Variants in COL14A1 observed in about 807,000 individuals in gnomAD.
COL14A1 encodes collagen type XIV alpha 1 chain, also known as collagen alpha-1(XIV) chain.
Under a neutral mutation model 230.3 loss-of-function variants are expected in COL14A1, and 136 were observed. The ratio of observed to expected loss-of-function variants is 0.59; its 90% CI spans 0.51 to 0.68. The LOEUF is 0.68. Among genes scored for constraint, COL14A1 ranks in the 30% least tolerant of loss-of-function variants. COL14A1 has a pLI of 0.00. For synonymous variants in COL14A1, 792 were observed against 784.1 expected (o/e 1.01, Z -0.17); for missense variants, 1,976 against 2,215.8 (o/e 0.89, Z 2.17).
chr8:120,327,753 T>C (rs1259072928), intron 40 of COL14A1, among the ~76,000 whole-genome samples: 1 of 149,790 alleles, frequency 6.7e-6, no homozygotes, highest in African/African-American at 2.5e-5. Flanking sequence ...TCAAATTAAG[T>C]ATTTATTAGT....
intron 26 of COL14A1, among the ~76,000 whole-genome samples, chr8:120,271,383 A>T (rs1396744991): frequency 1.4e-5 from 2 of 141,338 alleles, no homozygotes; most frequent in African/African-American, 2.8e-5. Flanking sequence ...AAGAAAAGTT[A>T]AAAAAAAAAA....
intron 34 of COL14A1, 90 bp downstream of exon 34, chr8:120,289,856 A>G: frequency 7.4e-7 from 1 of 1,349,560 alleles, no homozygotes; most frequent in Non-Finnish European, 1.0e-6. Context: ...GAAAGGTTTA[A>G]CAAAAAGATG....
chr8:120,285,399 G>T (rs1484000060), intron 32 of COL14A1, among the ~76,000 whole-genome samples: 2 of 142,352 alleles, frequency 1.4e-5, no homozygotes, highest in African/African-American at 5.3e-5. Context: ...AGGAGGTGGA[G>T]CTTGCAGTGA....
chr8:120,291,120 C>T (rs1042087938), intron 34 of COL14A1, among the ~76,000 whole-genome samples: 1 of 152,092 alleles, frequency 6.6e-6, no homozygotes, highest in African/African-American at 2.4e-5. Flanking sequence ...AAAAAGCACA[C>T]CATCTTCTGC....
At chr8:120,223,023 C>T (rs967224094) in intron 14 of COL14A1, among the ~76,000 whole-genome samples, 3 of 152,090 alleles carry the variant, frequency 2.0e-5, no homozygotes, top group Non-Finnish European at 4.4e-5. Context: ...GGCCTAATTT[C>T]GACAAGAGCT....
chr8:120,206,494 C>G (rs765850652), intron 9 of COL14A1, among the ~76,000 whole-genome samples: 1 of 152,142 alleles, frequency 6.6e-6, no homozygotes, highest in African/African-American at 2.4e-5. Context: ...GGATTACAGG[C>G]ACCTGCTACC....
At chr8:120,199,747 G>A (rs1817165989) in intron 8 of COL14A1, among the ~76,000 whole-genome samples, 181 bp downstream of exon 8, 1 of 152,106 alleles carries the variant, frequency 6.6e-6, no homozygotes. Flanking sequence ...AAATGGGAGT[G>A]ATGCTAGCTG....
At chr8:120,144,669 T>C (rs375637016) in intron 1 of COL14A1, among the ~76,000 whole-genome samples, 35 of 152,164 alleles carry the variant, frequency 2.3e-4, no homozygotes, top group African/African-American at 8.4e-4. Context: ...AACACGTCGA[T>C]TGCAAACAAT....
At chr8:120,332,218 G>A (rs1821893832) in intron 41 of COL14A1, 24 bp downstream of exon 41, 2 of 1,605,966 alleles carry the variant, frequency 1.2e-6, no homozygotes, top group Non-Finnish European at 1.7e-6. Flanking sequence ...GAAACTACTG[G>A]GACATACTCT....
At chr8:120,168,803 A>G (rs901710318) in intron 5 of COL14A1, among the ~76,000 whole-genome samples, 9 of 152,098 alleles carry the variant, frequency 5.9e-5, no homozygotes, top group African/African-American at 2.2e-4. Flanking sequence ...ATTCTTTTTA[A>G]TAGCCAGATA....
chr8:120,327,688 G>A (rs1396038396), intron 40 of COL14A1, among the ~76,000 whole-genome samples: 1 of 152,004 alleles, frequency 6.6e-6, no homozygotes, highest in Non-Finnish European at 1.5e-5. Context: ...CATTCTACCT[G>A]TGATTCACGC....
chr8:120,283,847 CCT>C (rs1423064306), intron 32 of COL14A1, 69 bp downstream of exon 32: 2 of 1,382,116 alleles, frequency 1.4e-6, no homozygotes, highest in African/African-American at 1.4e-5. Context: ...TGCCATTTTG[CCT>C]GTTTGTGTAT....
At position 120,231,583 on chromosome 8, in the gene COL14A1, G is replaced by C. The variant is rs1818269023; in HGVS notation, c.2314G>C (p.Ala772Pro). 1 of 1,613,810 alleles carries C rather than the reference G, an allele frequency of 6.2e-7. No homozygotes were observed. Among genetic ancestry groups the C allele is most frequent in the East Asian group, 2.2e-5 (1 of 44,870 alleles). The change falls in exon 19 of 48, where the codon GCT (alanine) becomes CCT (proline). Residue 772 changes from alanine to proline, a missense_variant. Around this residue, in one of 3 missense-constraint regions of COL14A1, gnomAD observed 1,791 missense variants for 2,019.5 expected, o/e 0.89. Coordinates refer to ENST00000297848, the MANE Select transcript of COL14A1 (RefSeq NM_021110.4). ...VQQFRVTYMT[A>P]QGDPEEEVIG... is the part of the protein sequence containing the mutation. ...GCAGTTTAGGGTGACCTACATGACA[G>C]CTCAAGGGGACCCTGAGGAAGAAGT...
chr8:120,236,475 A>T (rs1818449653), intron 19 of COL14A1, among the ~76,000 whole-genome samples: 1 of 151,812 alleles, frequency 6.6e-6, no homozygotes. Context: ...TGCTTGGTAA[A>T]TATTCCTCCA....
At chr8:120,315,675 G>T (rs1432928017) in intron 39 of COL14A1, 89 bp downstream of exon 39, 1 of 1,119,530 alleles carries the variant, frequency 8.9e-7, no homozygotes, top group Non-Finnish European at 1.3e-6. Flanking sequence ...AGTCAGTTGT[G>T]ATCTTGGTAA....
intron 40 of COL14A1, among the ~76,000 whole-genome samples, chr8:120,318,266 C>A (rs1208101861): frequency 6.6e-6 from 1 of 152,052 alleles, no homozygotes; most frequent in Non-Finnish European, 1.5e-5. Context: ...AGAGAAGAAT[C>A]CAGAAGAAGA....
At chr8:120,289,857 C>A in intron 34 of COL14A1, 91 bp downstream of exon 34, 8 of 1,315,770 alleles carry the variant, frequency 6.1e-6, no homozygotes, top group South Asian at 3.1e-5. Flanking sequence ...AAAGGTTTAA[C>A]AAAAAGATGA....
chr8:120,221,556 ACATG>A (rs1289711379), intron 14 of COL14A1, among the ~76,000 whole-genome samples: 2 of 113,286 alleles, frequency 1.8e-5, no homozygotes, highest in African/African-American at 8.1e-5. Flanking sequence ...ACACACACAC[ACATG>A]CACACACACA....
At chr8:120,240,712 T>C (rs934025279) in intron 19 of COL14A1, among the ~76,000 whole-genome samples, 1 of 152,214 alleles carries the variant, frequency 6.6e-6, no homozygotes, top group Non-Finnish European at 1.5e-5. Flanking sequence ...TACTATAACA[T>C]TGTAGACCAA....
Sources: allele counts gnomAD v4.1 joint callset (sites outside exome capture counted in the v4.1 genomes callset), GRCh38; gene constraint gnomAD v4.1.1; regional missense constraint gnomAD v4.1.1; transcripts MANE v1.5; gene names NCBI Gene and HGNC (gene_info 2026-07-23, HGNC 2026-07-21).